PRKG1: variants seen among roughly 807,000 people sequenced by gnomAD.
The protein encoded by PRKG1 is cGMP-dependent protein kinase 1.
PRKG1 carries 35 observed loss-of-function variants against 88.1 expected under a neutral mutation model. The observed-to-expected ratio is 0.40, with a 90% CI of 0.30 to 0.53. The LOEUF is 0.53. Among genes scored for constraint, PRKG1 ranks in the 20% least tolerant of loss-of-function variants. PRKG1 has a pLI of 0.59. For missense variants in PRKG1, 540 were observed against 839.8 expected (o/e 0.64, Z 4.41); for synonymous variants, 303 against 292.5 (o/e 1.04, Z -0.37).
At chr10:51,943,283 T>C (rs1394997116) in intron 5 of PRKG1, among the ~76,000 whole-genome samples, 9 of 151,938 alleles carry the variant, frequency 5.9e-5, no homozygotes, top group Non-Finnish European at 2.9e-5. Context: ...AGAATGCTTG[T>C]GATTTTTGTA....
intron 10 of PRKG1, among the ~76,000 whole-genome samples, chr10:52,267,561 T>C (rs1261635790): frequency 2.6e-5 from 4 of 152,078 alleles, no homozygotes; most frequent in Non-Finnish European, 4.4e-5. Context: ...AAAATCTCCC[T>C]AAGGAAAAAT....
At position 52,093,256 on chromosome 10, in the gene PRKG1, G is replaced by A. The variant is rs75991176; in HGVS notation, c.935+30625G>A. 2.5e-3 allele frequency among the ~76,000 whole-genome samples: 385 copies of A among 152,132 alleles called. 1 individual carries two copies. The highest frequency in any genetic ancestry group is 8.8e-3 in the African/African-American group (364 of 41,552). ...GGTGAAAATTCAAGTGACTCTTTAA[G>A]CTGTCTTAATAGAAATAAGATGTTT... is the stretch of plus-strand genomic sequence containing the variant. On this transcript the variant is annotated intron_variant, in intron 7 of 17. Coordinates refer to ENST00000373980, the MANE Select transcript of PRKG1 (RefSeq NM_006258.4).
At chr10:51,123,890 G>A (rs1358648414) in intron 1 of PRKG1, among the ~76,000 whole-genome samples, 1 of 152,062 alleles carries the variant, frequency 6.6e-6, no homozygotes, top group African/African-American at 2.4e-5. Context: ...GCGCGAGAGA[G>A]TGAAGGGAGG....
At chr10:51,290,714 G>A (rs1372860873) in intron 2 of PRKG1, among the ~76,000 whole-genome samples, 1 of 151,998 alleles carries the variant, frequency 6.6e-6, no homozygotes, top group Admixed American at 6.6e-5. Flanking sequence ...GGGATTATGT[G>A]GGCAGTCTAC....
intron 3 of PRKG1, among the ~76,000 whole-genome samples, chr10:51,588,442 C>CT (rs1181685638): frequency 4.6e-5 from 7 of 152,156 alleles, no homozygotes; most frequent in African/African-American, 1.4e-4. Context: ...TGAGGTAGGC[C>CT]TTACAACTAT....
At chr10:51,763,057 C>T (rs10999327) in intron 3 of PRKG1, among the ~76,000 whole-genome samples, 67,763 of 151,730 alleles carry the variant, frequency 0.45, 16,067 homozygotes, top group African/African-American at 0.56. Context: ...GATGCCATCT[C>T]GAATCCATCT....
chr10:51,146,032 C>A lies in PRKG1; in HGVS notation c.312-7132C>A, dbSNP rs551289361. 1.0e-3 allele frequency among the ~76,000 whole-genome samples: 156 copies of A among 151,286 alleles called. 1 individual carries two copies. In the South Asian group the frequency reaches 0.011, roughly 11 times the overall value. ...AAATACGAAAAAACAAACAAACAAA[C>A]AAAAAAAACAGCCAGGCATGGTGGC... On this transcript the variant is annotated intron_variant, in intron 1 of 17. Transcript: ENST00000373980.
intron 3 of PRKG1, among the ~76,000 whole-genome samples, chr10:51,562,054 T>C (rs1369335636): frequency 1.3e-5 from 2 of 151,792 alleles, no homozygotes; most frequent in African/African-American, 2.4e-5. Flanking sequence ...GAAAACCCCA[T>C]CTTTACTAAA....
At position 51,129,882 on chromosome 10, in the gene PRKG1, G is replaced by A. The variant is rs959595327; in HGVS notation, c.312-23282G>A. ...TCCTATCAAATTTTATGTGAATAGGGCTTCCAGGAGCCTCAAGGTGTAGGA... is the reference window on the plus strand; with the variant it reads ...TCCTATCAAATTTTATGTGAATAGGACTTCCAGGAGCCTCAAGGTGTAGGA... On this transcript the variant is annotated intron_variant, in intron 1 of 17. Transcript: ENST00000373980. Among the ~76,000 whole-genome samples the A allele has an allele frequency of 2.6e-5, 4 of 152,232 alleles. 1 individual carries two copies. Among genetic ancestry groups the A allele is most frequent in the Middle Eastern group, 6.8e-3 (2 of 294 alleles).
intron 5 of PRKG1, among the ~76,000 whole-genome samples, chr10:52,035,102 T>C (rs1422422093): frequency 6.6e-6 from 1 of 152,210 alleles, no homozygotes; most frequent in Non-Finnish European, 1.5e-5. Context: ...GTTATCAGAC[T>C]GTATTGAGGT....
chr10:51,299,498 G>A (rs1232161711), intron 2 of PRKG1: 4 of 460,520 alleles, frequency 8.7e-6, no homozygotes, highest in Admixed American at 2.4e-5. Flanking sequence ...GAGCCACCAT[G>A]CCCCGCCTCT....
At chr10:51,859,884 G>A (rs1488656332) in intron 4 of PRKG1, among the ~76,000 whole-genome samples, 10 of 152,028 alleles carry the variant, frequency 6.6e-5, no homozygotes, top group Admixed American at 3.9e-4. Context: ...CTCCTACCAC[G>A]TTTTAAGCTC....
intron 4 of PRKG1, among the ~76,000 whole-genome samples, chr10:51,890,816 T>G (rs545299714): frequency 6.6e-6 from 1 of 151,938 alleles, no homozygotes; most frequent in Non-Finnish European, 1.5e-5. Flanking sequence ...ATTAGTTGAG[T>G]GTGATGGTGC....
At chr10:51,060,699 A>G (rs1843682504) in intron 1 of PRKG1, among the ~76,000 whole-genome samples, 1 of 152,024 alleles carries the variant, frequency 6.6e-6, no homozygotes, top group Admixed American at 6.6e-5. Context: ...TGATACTTAC[A>G]TTTTCTTTAA....
At chr10:51,928,426 A>T (rs1425338531) in intron 5 of PRKG1, among the ~76,000 whole-genome samples, 1 of 152,208 alleles carries the variant, frequency 6.6e-6, no homozygotes, top group Non-Finnish European at 1.5e-5. Flanking sequence ...GAAAGCCATG[A>T]TGCTAATGCT....
Position 51,229,942 on chromosome 10 carries a change from A to G in PRKG1, c.478+76612A>G, listed in dbSNP as rs923403238. Among the ~76,000 whole-genome samples the G allele has an allele frequency of 1.6e-4, 7 of 44,158 alleles. No homozygotes were observed. In the East Asian group the frequency reaches 1.7e-3, roughly 11 times the overall value. The allele number at this position is 44,158 out of a possible 152,430, so 29.0% of individuals were successfully genotyped here. ...AGGCGATCTCAAAAAAAAAAAAAAAAAAAAAAGAAAAAGAAAAAAGAAAGA... is the reference window on the plus strand; with the variant it reads ...AGGCGATCTCAAAAAAAAAAAAAAAGAAAAAAGAAAAAGAAAAAAGAAAGA... On this transcript the variant is annotated intron_variant, in intron 2 of 17. Coordinates refer to ENST00000373980, the MANE Select transcript of PRKG1 (RefSeq NM_006258.4).
intron 3 of PRKG1, among the ~76,000 whole-genome samples, chr10:51,554,320 A>ATATATACACACATAT (rs1837248745): frequency 1.5e-5 from 2 of 130,238 alleles, no homozygotes; most frequent in African/African-American, 5.1e-5. Context: ...TACATATATA[A>ATATATACACACATAT]TATATACACA....
At chr10:51,418,352 C>T (rs1423443179) in intron 2 of PRKG1, among the ~76,000 whole-genome samples, 1 of 152,156 alleles carries the variant, frequency 6.6e-6, no homozygotes. Context: ...AATCATACAA[C>T]ACTATCAATT....
intron 3 of PRKG1, among the ~76,000 whole-genome samples, chr10:51,641,556 C>A (rs1210293787): frequency 2.0e-5 from 3 of 152,162 alleles, no homozygotes; most frequent in African/African-American, 7.2e-5. Flanking sequence ...TCTTGCCATG[C>A]TCGATCAGCT....
Sources: allele counts gnomAD v4.1 joint callset (sites outside exome capture counted in the v4.1 genomes callset), GRCh38; gene constraint gnomAD v4.1.1; transcripts MANE v1.5; gene names NCBI Gene and HGNC (gene_info 2026-07-23, HGNC 2026-07-21).